The following FYB1 variants were observed in gnomAD, a reference collection of about 807,000 sequenced individuals.
FYB1 encodes the protein FYN binding protein 1, also known as FYN-binding protein 1.
A neutral mutation model predicts 94.1 loss-of-function variants in FYB1; 41 were observed. The ratio of observed to expected loss-of-function variants is 0.44; its 90% CI spans 0.34 to 0.57. The LOEUF (loss-of-function observed/expected upper bound fraction) is 0.57, where lower values mean the gene tolerates loss of function less well. Among genes scored for constraint, FYB1 ranks in the 20% least tolerant of loss-of-function variants. The pLI is 0.02. For missense variants in FYB1, 1,050 were observed against 976.8 expected (o/e 1.07, Z -1.00); for synonymous variants, 367 against 353.2 (o/e 1.04, Z -0.44).
chr5:39,150,709 T>A (rs772457029), intron 3 of FYB1, among the ~76,000 whole-genome samples: 3 of 152,134 alleles, frequency 2.0e-5, no homozygotes, highest in Non-Finnish European at 4.4e-5. Context: ...AAATCCAAAT[T>A]CTTTTGTCTC....
chr5:39,183,768 G>A (rs1232263002), intron 2 of FYB1, among the ~76,000 whole-genome samples: 1 of 152,130 alleles, frequency 6.6e-6, no homozygotes, highest in East Asian at 1.9e-4. Context: ...TCTATTGTCA[G>A]TATACATAAG....
upstream of FYB1, among the ~76,000 whole-genome samples, chr5:39,221,585 G>A (rs933063533): frequency 4.6e-5 from 7 of 152,194 alleles, no homozygotes; most frequent in Admixed American, 6.5e-5. Flanking sequence ...AAGAGTTGAG[G>A]AAGACTTTAC....
At chr5:39,169,926 C>T (rs2150395913) in intron 2 of FYB1, 1 of 632,646 alleles carries the variant, frequency 1.6e-6, no homozygotes, top group South Asian at 1.5e-5. Context: ...TCCCAGTAGG[C>T]TCCTTCTGTG....
At chr5:39,267,960 G>A (rs1008737057) in intron 1 of FYB1, among the ~76,000 whole-genome samples, 9 of 152,022 alleles carry the variant, frequency 5.9e-5, no homozygotes, top group Admixed American at 5.2e-4. Context: ...CAACTCTATG[G>A]AACTGATTAA....
intron 2 of FYB1, among the ~76,000 whole-genome samples, chr5:39,196,228 G>C (rs1371440051): frequency 2.0e-5 from 1 of 50,980 alleles, no homozygotes; most frequent in Non-Finnish European, 4.3e-5. Context: ...TTTTTTTTTT[G>C]AGATAGGGTT....
At chr5:39,125,744 T>C (rs1279941306) in intron 12 of FYB1, among the ~76,000 whole-genome samples, 3 of 152,140 alleles carry the variant, frequency 2.0e-5, no homozygotes, top group South Asian at 2.1e-4. Context: ...ATGTGTGTTT[T>C]TGTGCATTTT....
At chr5:39,193,671 T>C (rs696736) in intron 2 of FYB1, among the ~76,000 whole-genome samples, 97,897 of 152,002 alleles carry the variant, frequency 0.64, 32,582 homozygotes, top group Non-Finnish European at 0.73. Context: ...CCTGGGAAGG[T>C]CAAGGAAAAT....
rs1760390489 is a variant in FYB1 at position 39,106,586 on chromosome 5, A to G, written c.*857T>C. 1 of 152,118 alleles carries G rather than the reference A, an allele frequency of 6.6e-6. No homozygotes were observed. Among genetic ancestry groups the G allele is most frequent in the South Asian group, 2.1e-4 (1 of 4,832 alleles). The allele number at this position is 152,118 out of a possible 1,614,324, so 9.4% of individuals were successfully genotyped here. A position where few individuals can be genotyped will look rare whatever the true frequency, so the allele number is the denominator to read the frequency against. On this transcript the variant is annotated 3_prime_UTR_variant, in exon 19 of 19. Transcript: ENST00000512982. The stretch of plus-strand genomic sequence containing the variant: ...TAATTGAAACAAAAACAAAAACTTT[A>G]AAAAGTGTCTTCATTATAAAGAGGT...
At chr5:39,213,920 A>T (rs1561277365) in intron 1 of FYB1, among the ~76,000 whole-genome samples, 1 of 152,198 alleles carries the variant, frequency 6.6e-6, no homozygotes. Context: ...CGGGAGAAAG[A>T]AGTTATAATT....
upstream of FYB1, among the ~76,000 whole-genome samples, chr5:39,220,304 G>A (rs1023510619): frequency 1.3e-5 from 2 of 151,656 alleles, no homozygotes; most frequent in Admixed American, 1.3e-4. Context: ...CCAGACATTT[G>A]GGAAGCTGAG....
intron 1 of FYB1, among the ~76,000 whole-genome samples, chr5:39,236,832 C>T (rs1004553889): frequency 6.6e-6 from 1 of 152,032 alleles, no homozygotes; most frequent in Non-Finnish European, 1.5e-5. Context: ...ACCTGAGTTT[C>T]AATGTTGTCA....
rs3085950 is a variant in FYB1 at position 39,247,071 on chromosome 5, CATATATATATATATATATATAT to C, written c.-28+27310_-28+27331del. 6.1e-3 allele frequency among the ~76,000 whole-genome samples: 402 copies of C among 65,618 alleles called. 5 individuals carry two copies. Among genetic ancestry groups the C allele is most frequent in the Non-Finnish European group, 7.7e-3 (255 of 33,054 alleles). The allele number at this position is 65,618 out of a possible 152,430, so 43.0% of individuals were successfully genotyped here. A position where few individuals can be genotyped will look rare whatever the true frequency, so the allele number is the denominator to read the frequency against. On this transcript the variant is annotated intron_variant, in intron 1 of 1. Coordinates refer to the FYB1 transcript ENST00000510188. ...ATGGTGCACACACAAAATGCGTGTT[CATATATATATATATATATATAT>C]ATATATATATATATATATATATGAC...
chr5:39,194,459 G>C (rs1314259962), intron 2 of FYB1, among the ~76,000 whole-genome samples: 4 of 152,162 alleles, frequency 2.6e-5, no homozygotes. Context: ...GGAGTTCAAG[G>C]CTGCAGTGAG....
chr5:39,268,240 CTTTTTTT>C (rs112656513), intron 1 of FYB1, among the ~76,000 whole-genome samples: 1 of 140,988 alleles, frequency 7.1e-6, no homozygotes, highest in Non-Finnish European at 1.6e-5. Flanking sequence ...TTCTTTTTTT[CTTTTTTT>C]TTTTTTTGAA....
At chr5:39,108,140 A>T (rs1422792312) in intron 18 of FYB1, 91 bp downstream of exon 18, 1 of 1,201,988 alleles carries the variant, frequency 8.3e-7, no homozygotes, top group Non-Finnish European at 1.2e-6. Flanking sequence ...ATCAGATTGG[A>T]AGTCTCTAAT....
chr5:39,125,175 A>G (rs963670792), intron 12 of FYB1, among the ~76,000 whole-genome samples: 4 of 152,042 alleles, frequency 2.6e-5, no homozygotes, highest in Non-Finnish European at 5.9e-5. Context: ...TTTCAAGTGT[A>G]CTCTTTATTG....
At chr5:39,222,009 A>G (rs536327191), upstream of FYB1, among the ~76,000 whole-genome samples, 2 of 152,054 alleles carry the variant, frequency 1.3e-5, no homozygotes, top group Non-Finnish European at 2.9e-5. Flanking sequence ...TCTCAAAAAT[A>G]AAATAAAATA....
chr5:39,152,682 C>T (rs74951408), intron 3 of FYB1, among the ~76,000 whole-genome samples: 158 of 152,168 alleles, frequency 1.0e-3, no homozygotes, highest in African/African-American at 3.6e-3. Context: ...CTATTAAATC[C>T]TGGATAAAGA....
At chr5:39,130,519 A>G in intron 10 of FYB1, 71 bp downstream of exon 10, 1 of 1,210,756 alleles carries the variant, frequency 8.3e-7, no homozygotes, top group Non-Finnish European at 1.2e-6. Context: ...AAAATAACAC[A>G]TGTGCTCCAT....
Sources: gnomAD v4.1 joint callset for allele counts (sites outside exome capture counted in the v4.1 genomes callset) on GRCh38, gnomAD v4.1.1 for gene constraint, MANE v1.5 for transcripts, NCBI Gene and HGNC (gene_info 2026-07-23, HGNC 2026-07-21) for gene names.